The following TFE3 variants were observed in gnomAD, a reference collection of about 807,000 sequenced individuals.
TFE3 encodes transcription factor E3.
Under a neutral mutation model 35.0 loss-of-function variants are expected in TFE3, and 5 were observed. The ratio of observed to expected loss-of-function variants is 0.14; its 90% confidence interval spans 0.07 to 0.30. The LOEUF is 0.30. Ranked by LOEUF, TFE3 falls within the 10% of genes least tolerant of loss-of-function variation. TFE3 has a pLI of 1.00. For missense variants in TFE3, 374 were observed against 496.6 expected (o/e 0.75, Z 2.35); for synonymous variants, 211 against 215.6 (o/e 0.98, Z 0.18).
intron 5 of TFE3, among the ~76,000 whole-genome samples, chrX:49,035,264 G>A (rs891485462): frequency 2.9e-5 from 3 of 105,160 alleles, no homozygotes; most frequent in Non-Finnish European, 5.8e-5. Context: ...AGAGGTTGCA[G>A]TGAGCCAAGA....
At chrX:49,034,027 A>G (rs2064714379) in intron 6 of TFE3, 107 bp downstream of exon 6, 2 of 723,888 alleles carry the variant, frequency 2.8e-6, no homozygotes, top group Non-Finnish European at 4.3e-6. Context: ...CCATTTCCAT[A>G]TGTCCAAACC....
chrX:49,034,224 C>T lies in TFE3; in HGVS notation c.913G>A (p.Val305Met). 8.3e-7 allele frequency: 1 copy of T among 1,202,659 alleles called. No individual in the cohort carries two copies. The highest frequency in any genetic ancestry group is 1.1e-6 in the Non-Finnish European group (1 of 890,273). Residue 305 changes from valine to methionine, a missense_variant, in exon 6 of 10, where the codon GTG becomes ATG. By Grantham distance (21) the Val-to-Met change is conservative (BLOSUM62 1). Transcript: ENST00000315869. ...GTGGCCACGCCTTGACTACTGTACA[C>T]ATCAAGCAGATTCCCTGACACAGGC... ...TLPVSGNLLDVYSSQGVATPA... is the reference protein window; with the variant it reads ...TLPVSGNLLDMYSSQGVATPA...
rs966340577 is a variant in TFE3, at chrX:49,029,207, C to A, written c.*951G>T. On this transcript the variant is annotated 3_prime_UTR_variant, in exon 10 of 10. Transcript: ENST00000315869. Reference sequence around the variant, plus strand: ...TAATACCCATCACCTTCCCAAACTGCCCCTCAAGGAAGAAGGCAGGACTCT... The same window carrying A: ...TAATACCCATCACCTTCCCAAACTGACCCTCAAGGAAGAAGGCAGGACTCT... The A allele has an allele frequency of 5.7e-6, 1 of 173,970 alleles. No homozygotes were observed. The highest frequency in any genetic ancestry group is 1.1e-5 in the Non-Finnish European group (1 of 91,468). 14.3% of individuals were successfully genotyped at this position (173,970 alleles called of 1,213,427 possible).
intron 6 of TFE3, 152 bp downstream of exon 6, chrX:49,033,982 C>T: frequency 1.6e-6 from 1 of 609,724 alleles, no homozygotes; most frequent in Admixed American, 2.9e-5. Context: ...GAAAGCAAGA[C>T]CACAAGCCAT....
chrX:49,032,968 T>G (rs2064708035), intron 8 of TFE3, among the ~76,000 whole-genome samples: 1 of 111,355 alleles, frequency 9.0e-6, no homozygotes, highest in Non-Finnish European at 1.9e-5. Context: ...ACCTGGCTAA[T>G]TTTTGTATTT....
intron 2 of TFE3, chrX:49,039,944 C>T (rs1472149143): frequency 8.8e-6 from 1 of 114,205 alleles, no homozygotes; most frequent in Admixed American, 9.4e-5. Flanking sequence ...TTTCACAATA[C>T]TCTCTTCCTG....
Position 49,033,778 on chromosome X carries a change from G to C in TFE3, c.1008C>G (p.Thr336=). ...GTTCCTTCAAAAGGGCCTTTGCCTC[G>C]GTCTCTGGAAAAGAGTGGAGTGATC... ...LPNIKREISE[T]EAKALLKERQ... Residue 336 remains threonine (T), a synonymous_variant, in exon 7 of 10, where the codon ACC becomes ACG. Transcript: ENST00000315869. The C allele has an allele frequency of 8.3e-7, 1 of 1,211,492 alleles. No individual in the cohort carries two copies. Among genetic ancestry groups the C allele is most frequent in the Non-Finnish European group, 1.1e-6 (1 of 895,314 alleles).
At chrX:49,040,823 C>T (rs1375338589) in intron 1 of TFE3, among the ~76,000 whole-genome samples, 1 of 108,105 alleles carries the variant, frequency 9.3e-6, no homozygotes, top group African/African-American at 3.4e-5. Context: ...CATCCCAACC[C>T]CCACACTGTA....
chrX:49,041,649 G>A (rs2064761179), intron 1 of TFE3, among the ~76,000 whole-genome samples: 3 of 110,644 alleles, frequency 2.7e-5, no homozygotes, highest in South Asian at 7.6e-4. Context: ...ACCCACTGGC[G>A]CACAAAATAA....
intron 8 of TFE3, chrX:49,031,923 G>T (rs898200529): frequency 7.9e-6 from 1 of 127,183 alleles, no homozygotes; most frequent in Non-Finnish European, 1.6e-5. Flanking sequence ...AGACACCCAT[G>T]CGGCTCCCCG....
At position 49,029,756 on chromosome X, in the gene TFE3, C is replaced by T. The variant is rs189185965; in HGVS notation, c.*402G>A. 6.9e-5 allele frequency: 31 copies of T among 451,045 alleles called. No homozygotes were observed. Among genetic ancestry groups the T allele is most frequent in the African/African-American group, 5.1e-4 (22 of 43,068 alleles). 37.2% of individuals were successfully genotyped at this position (451,045 alleles called of 1,213,427 possible). On this transcript the variant is annotated 3_prime_UTR_variant, in exon 10 of 10. Transcript: ENST00000315869. ...GGTTCCAAGACAAAGGATGGAGCAA[C>T]ATCCTGACATCTCCCTTTCCCAGGA...
At position 49,033,526 on chromosome X, in the gene TFE3, G is replaced by A; in HGVS notation, c.1075C>T (p.Arg359Ter). The A allele has an allele frequency of 8.3e-7, 1 of 1,211,307 alleles. No homozygotes were observed. Among genetic ancestry groups the A allele is most frequent in the Non-Finnish European group, 1.1e-6 (1 of 895,233 alleles). ...DNHNLIERRR[R>*]FNINDRIKEL... ...TTGATCCTGTCGTTAATGTTGAATCGCCTGCGACGCTCAACTTTGGAGAGG... is the reference window on the plus strand; with the variant it reads ...TTGATCCTGTCGTTAATGTTGAATCACCTGCGACGCTCAACTTTGGAGAGG... The change falls in exon 8 of 10, where the codon CGA (arginine) becomes TGA (stop). Residue 359 changes from arginine (R) to a stop codon, truncating the protein, a stop_gained. Coordinates refer to ENST00000315869, the MANE Select transcript of TFE3 (RefSeq NM_006521.6). LOFTEE classifies it high-confidence loss of function.
intron 1 of TFE3, among the ~76,000 whole-genome samples, chrX:49,041,749 A>G (rs782655357): frequency 8.0e-5 from 9 of 112,232 alleles, no homozygotes; most frequent in African/African-American, 2.9e-4. Context: ...GAATCGATAT[A>G]CAGAAAGGCT....
At chrX:49,034,827 C>T (rs1557074377) in intron 5 of TFE3, among the ~76,000 whole-genome samples, 1 of 112,374 alleles carries the variant, frequency 8.9e-6, no homozygotes, top group Non-Finnish European at 1.9e-5. Flanking sequence ...CAAGTTGTAC[C>T]ATCTTCCACA....
At chrX:49,042,407 C>T (rs1417211079) in intron 1 of TFE3, among the ~76,000 whole-genome samples, 1 of 111,179 alleles carries the variant, frequency 9.0e-6, no homozygotes, top group Non-Finnish European at 1.9e-5. Flanking sequence ...CATTCAGGCC[C>T]TTAACAGGTG....
intron 1 of TFE3, 86 bp from the exon 2 acceptor site, chrX:49,040,654 A>T: frequency 1.5e-6 from 1 of 647,181 alleles, no homozygotes; most frequent in Non-Finnish European, 2.5e-6. Context: ...AGAGAGAGAG[A>T]GGGGGGGAGA....
Position 49,033,484 on chromosome X carries a change from T to C in TFE3, c.1117A>G (p.Ile373Val), listed in dbSNP as rs782784061. The C allele has an allele frequency of 2.5e-6, 3 of 1,209,241 alleles. No homozygotes were observed. The African/African-American group carries it at 5.2e-5, about 21-fold the overall frequency. ...ACTCACGGGTCACTGGACTTAGGGA[T>C]GAGAGTGCCCAGTTCCTTGATCCTG... ...NDRIKELGTL[I>V]PKSSDPEMRW... The change falls in exon 8 of 10, where the codon ATC becomes GTC. Residue 373 changes from isoleucine (I) to valine (V), a missense_variant. By Grantham distance (29) the Ile-to-Val change is conservative (BLOSUM62 3). This residue lies in a region of TFE3 where 167 missense variants were observed against 297.2 expected (regional missense o/e 0.56). Coordinates refer to ENST00000315869, the MANE Select transcript of TFE3 (RefSeq NM_006521.6).
At position 49,033,512 on chromosome X, in the gene TFE3, G is replaced by A. The variant is rs201808352; in HGVS notation, c.1089C>T (p.Asn363=). The A allele has an allele frequency of 4.4e-5, 53 of 1,210,213 alleles. No homozygotes were observed. In the Middle Eastern group the frequency reaches 1.2e-3, roughly 27 times the overall value. ...LIERRRRFNI[N]DRIKELGTLI... ...GAGTGCCCAGTTCCTTGATCCTGTC[G>A]TTAATGTTGAATCGCCTGCGACGCT... The change falls in exon 8 of 10, where the codon AAC becomes AAT. Residue 363 remains asparagine, a synonymous_variant. Coordinates refer to ENST00000315869, the MANE Select transcript of TFE3 (RefSeq NM_006521.6).
Position 49,039,244 on chromosome X carries a change from G to A in TFE3, c.397C>T (p.Arg133Cys). The A allele has an allele frequency of 8.3e-7, 1 of 1,206,530 alleles. No homozygotes were observed. The change falls in exon 3 of 10, where the codon CGT (arginine) becomes TGT (cysteine). Residue 133 changes from arginine to cysteine, a missense_variant. This residue lies in a region of TFE3 where 167 missense variants were observed against 297.2 expected (regional missense o/e 0.56). Transcript: ENST00000315869. The stretch of plus-strand genomic sequence containing the variant: ...GGAGCCGCGGCGGCCTGTTCCCGAC[G>A]CTCACGCCTCTCCTGCTCCTGCGCC... ...AQAQEQERRE[R>C]REQAAAAPFP... is the part of the protein sequence containing the mutation.
Sources: allele counts gnomAD v4.1 joint callset (sites outside exome capture counted in the v4.1 genomes callset), GRCh38; gene constraint gnomAD v4.1.1; regional missense constraint gnomAD v4.1.1; transcripts MANE v1.5; gene names NCBI Gene and HGNC (gene_info 2026-07-23, HGNC 2026-07-21).